TMEM178A: variants seen among roughly 807,000 people sequenced by gnomAD.
TMEM178A encodes transmembrane protein 178A, also known as transmembrane protein 178.
A neutral mutation model predicts 29.1 loss-of-function variants in TMEM178A; 12 were observed. The ratio of observed to expected loss-of-function variants is 0.41; its 90% CI spans 0.26 to 0.67. The LOEUF (loss-of-function observed/expected upper bound fraction) is 0.67, where lower values mean the gene tolerates loss of function less well. Ranked by LOEUF, TMEM178A falls within the 30% of genes least tolerant of loss-of-function variation. TMEM178A has a pLI of 0.29. For synonymous variants in TMEM178A, 210 were observed against 187.2 expected (o/e 1.12, Z -0.99); for missense variants, 366 against 419.1 (o/e 0.87, Z 1.11).
intron 2 of TMEM178A, among the ~76,000 whole-genome samples, chr2:39,704,800 A>C (rs1305423223): frequency 2.6e-5 from 4 of 152,212 alleles, no homozygotes; most frequent in African/African-American, 9.7e-5. Flanking sequence ...TAGCTCCCCG[A>C]AACGAAAAAC....
chr2:39,705,264 C>T (rs1372415543), intron 2 of TMEM178A, among the ~76,000 whole-genome samples: 1 of 152,220 alleles, frequency 6.6e-6, no homozygotes, highest in Non-Finnish European at 1.5e-5. Context: ...CAGTCTCATG[C>T]ATGTCTATTT....
downstream of TMEM178A, among the ~76,000 whole-genome samples, chr2:39,720,404 C>A (rs917867355): frequency 5.3e-5 from 8 of 152,176 alleles, no homozygotes; most frequent in African/African-American, 1.9e-4. Flanking sequence ...GGGATACTCA[C>A]ACTGCCTAGG....
At chr2:39,682,977 A>G (rs1670932694) in intron 1 of TMEM178A, among the ~76,000 whole-genome samples, 1 of 152,212 alleles carries the variant, frequency 6.6e-6, no homozygotes, top group African/African-American at 2.4e-5. Flanking sequence ...CACCTCCTCA[A>G]GATAAAGCAG....
At chr2:39,730,227 T>C in the TMEM178A span, among the ~76,000 whole-genome samples, 1 of 152,180 alleles carries the variant, frequency 6.6e-6, no homozygotes, top group Non-Finnish European at 1.5e-5. Flanking sequence ...GGAATGATTT[T>C]GAAAGGAGGA....
intron 1 of TMEM178A, among the ~76,000 whole-genome samples, chr2:39,683,195 C>G (rs2148069146): frequency 6.6e-6 from 1 of 152,326 alleles, no homozygotes; most frequent in Middle Eastern, 3.4e-3. Context: ...AATCTGGACA[C>G]TGACTAATTT....
the TMEM178A span, among the ~76,000 whole-genome samples, chr2:39,727,455 T>G: frequency 6.6e-6 from 1 of 152,336 alleles, no homozygotes; most frequent in South Asian, 2.1e-4. Flanking sequence ...TCTCACCTAA[T>G]TTTAGTCCAA....
chr2:39,674,788 G>A (rs375707045), intron 1 of TMEM178A, among the ~76,000 whole-genome samples: 2 of 152,160 alleles, frequency 1.3e-5, no homozygotes, highest in African/African-American at 2.4e-5. Context: ...GAAGATACCC[G>A]CTGAAGAAGC....
intron 3 of TMEM178A, among the ~76,000 whole-genome samples, chr2:39,710,519 A>G (rs1423856798): frequency 2.0e-5 from 3 of 152,168 alleles, no homozygotes; most frequent in Non-Finnish European, 4.4e-5. Flanking sequence ...CATGGAGTGG[A>G]TATGCTATGC....
intron 1 of TMEM178A, among the ~76,000 whole-genome samples, chr2:39,676,869 C>G (rs914440339): frequency 5.3e-5 from 8 of 152,138 alleles, no homozygotes; most frequent in Non-Finnish European, 1.2e-4. Flanking sequence ...ACATACTGCC[C>G]TAATAGACAC....
intron 1 of TMEM178A, among the ~76,000 whole-genome samples, chr2:39,694,261 A>G (rs1224693451): frequency 2.0e-5 from 3 of 152,048 alleles, no homozygotes; most frequent in Non-Finnish European, 4.4e-5. Flanking sequence ...GTCATTGTCT[A>G]TGTATTGGTG....
chr2:39,670,692 G>C (rs1670376063), intron 1 of TMEM178A, among the ~76,000 whole-genome samples: 1 of 152,192 alleles, frequency 6.6e-6, no homozygotes, highest in Non-Finnish European at 1.5e-5. Flanking sequence ...GCTTCTTTCA[G>C]TTCTTGAAAA....
intron 1 of TMEM178A, among the ~76,000 whole-genome samples, chr2:39,691,455 G>A (rs1242923275): frequency 1.3e-5 from 2 of 152,202 alleles, no homozygotes; most frequent in African/African-American, 4.8e-5. Context: ...TTTTTAGAGT[G>A]CCTGTTGTTA....
the TMEM178A span, among the ~76,000 whole-genome samples, chr2:39,727,991 T>C: frequency 6.6e-6 from 1 of 152,228 alleles, no homozygotes; most frequent in African/African-American, 2.4e-5. Context: ...GTTCCAAGTC[T>C]TTGCTATTGT....
At chr2:39,700,728 C>T (rs1241013495) in intron 1 of TMEM178A, among the ~76,000 whole-genome samples, 3 of 151,714 alleles carry the variant, frequency 2.0e-5, no homozygotes, top group Admixed American at 2.0e-4. Context: ...ATGCCATATG[C>T]ATTTTTGTTC....
the TMEM178A span, among the ~76,000 whole-genome samples, chr2:39,724,897 A>T: frequency 6.6e-6 from 1 of 152,064 alleles, no homozygotes; most frequent in Non-Finnish European, 1.5e-5. Flanking sequence ...ACTTTACAGG[A>T]CTCTGTGGTG....
At chr2:39,730,515 C>T in the TMEM178A span, among the ~76,000 whole-genome samples, 1 of 152,168 alleles carries the variant, frequency 6.6e-6, no homozygotes, top group African/African-American at 2.4e-5. Flanking sequence ...TCCAGACTGT[C>T]TGGCACCAAG....
At chr2:39,674,643 G>A (rs887581746) in intron 1 of TMEM178A, among the ~76,000 whole-genome samples, 8 of 152,068 alleles carry the variant, frequency 5.3e-5, no homozygotes, top group East Asian at 3.9e-4. Flanking sequence ...AATACCACCT[G>A]TACTCCAATA....
intron 1 of TMEM178A, among the ~76,000 whole-genome samples, chr2:39,680,142 C>A (rs1004312088): frequency 6.6e-6 from 1 of 152,156 alleles, no homozygotes; most frequent in Non-Finnish European, 1.5e-5. Flanking sequence ...TGGCAAGTGA[C>A]CTTACCTCTT....
At chr2:39,706,554 A>G (rs1672044084) in intron 2 of TMEM178A, among the ~76,000 whole-genome samples, 1 of 152,192 alleles carries the variant, frequency 6.6e-6, no homozygotes, top group Admixed American at 6.5e-5. Flanking sequence ...CTATTTCACA[A>G]TAGCTTTTTT....
Sources: allele counts gnomAD v4.1 joint callset (sites outside exome capture counted in the v4.1 genomes callset), GRCh38; gene constraint gnomAD v4.1.1; transcripts MANE v1.5; gene names NCBI Gene and HGNC (gene_info 2026-07-23, HGNC 2026-07-21).